The following SLCO1B1 variants were observed in gnomAD, a reference collection of about 807,000 sequenced individuals.
SLCO1B1 encodes the protein OATP-2.
Under a neutral mutation model 70.1 loss-of-function variants are expected in SLCO1B1, and 81 were observed. That is an observed-to-expected ratio of 1.16 (90% CI 0.97 to 1.39). The LOEUF (loss-of-function observed/expected upper bound fraction) is 1.39, where lower values mean the gene tolerates loss of function less well. Ranked by LOEUF, SLCO1B1 falls within the 40% of genes most tolerant of loss-of-function variation. SLCO1B1 has a pLI of 0.00. For missense variants in SLCO1B1, 895 were observed against 799.6 expected (o/e 1.12, Z -1.44); for synonymous variants, 283 against 271.5 (o/e 1.04, Z -0.42).
At chr12:21,210,049 A>G (rs1941262341) in intron 11 of SLCO1B1, among the ~76,000 whole-genome samples, 1 of 147,370 alleles carries the variant, frequency 6.8e-6, no homozygotes. Context: ...GCTGTGCAGA[A>G]GCTCTTTAGT....
chr12:21,158,780 T>C (rs1940574685), intron 2 of SLCO1B1, among the ~76,000 whole-genome samples: 2 of 152,096 alleles, frequency 1.3e-5, no homozygotes, highest in Non-Finnish European at 2.9e-5. Context: ...TTTCTGATGC[T>C]CATACAAATA....
chr12:21,207,106 GTTTATT>G (rs1285965115), intron 11 of SLCO1B1, among the ~76,000 whole-genome samples: 1 of 151,690 alleles, frequency 6.6e-6, no homozygotes, highest in East Asian at 1.9e-4. Context: ...TTCCTTTGCT[GTTTATT>G]TTTATTTTGC....
At chr12:21,166,149 G>A (rs1255536908) in intron 2 of SLCO1B1, among the ~76,000 whole-genome samples, 4 of 151,860 alleles carry the variant, frequency 2.6e-5, no homozygotes, top group Admixed American at 2.0e-4. Context: ...AAAAGTGGCC[G>A]AGAACGTCCC....
chr12:21,205,662 G>C (rs1014699326), intron 10 of SLCO1B1, among the ~76,000 whole-genome samples: 27 of 149,958 alleles, frequency 1.8e-4, no homozygotes, highest in Non-Finnish European at 3.7e-4. Context: ...TATTGGCAAA[G>C]ATGGAGAGCG....
intron 2 of SLCO1B1, among the ~76,000 whole-genome samples, chr12:21,152,554 C>CTTTTTTTTTTTTTTTTTTTTTTTT (rs1940488342): frequency 1.2e-4 from 1 of 8,470 alleles, no homozygotes; most frequent in African/African-American, 2.2e-4. Context: ...TTTTTTTTGC[C>CTTTTTTTTTTTTTTTTTTTTTTTT]TCTGGACTGT....
intron 10 of SLCO1B1, among the ~76,000 whole-genome samples, chr12:21,203,118 A>G (rs569965981): frequency 6.6e-6 from 1 of 152,254 alleles, no homozygotes; most frequent in South Asian, 2.1e-4. Context: ...GGCATTAGCC[A>G]AAAGTGACTA....
chr12:21,210,392 G>A (rs2121164705), intron 11 of SLCO1B1, among the ~76,000 whole-genome samples: 1 of 119,388 alleles, frequency 8.4e-6, no homozygotes, highest in East Asian at 3.0e-4. Context: ...TTATTTCTGA[G>A]GGCTCTGTTC....
intron 11 of SLCO1B1, 84 bp downstream of exon 11, chr12:21,206,117 A>G (rs1809228254): frequency 2.8e-5 from 31 of 1,111,712 alleles, no homozygotes; most frequent in Non-Finnish European, 3.7e-5. Context: ...TTCTGTAACT[A>G]AGGACTCCAT....
chr12:21,196,901 A>G, intron 7 of SLCO1B1, 45 bp from the exon 8 acceptor site: 1 of 1,578,942 alleles, frequency 6.3e-7, no homozygotes, highest in Non-Finnish European at 8.7e-7. Flanking sequence ...AACCTATTGT[A>G]TTTCAAAATG....
Position 21,200,541 on chromosome 12 carries a change from A to C in SLCO1B1, c.1004A>C (p.Asn335Thr), listed in dbSNP as rs1411589182. The C allele has an allele frequency of 6.3e-7, 1 of 1,592,538 alleles. No individual in the cohort carries two copies. Among genetic ancestry groups the C allele is most frequent in the African/African-American group, 1.3e-5 (1 of 74,426 alleles). Residue 335 changes from asparagine (N) to threonine (T), a missense_variant, in exon 9 of 15, where the codon AAT (asparagine) becomes ACT (threonine). By Grantham distance (65) the Asn-to-Thr change is moderately conservative (BLOSUM62 0). Transcript: ENST00000256958. ...CAGTCTTTTAAAAGCATCCTTACTAATCCCCTGTATGTTATGTTTGTGCTT... is the reference window on the plus strand; with the variant it reads ...CAGTCTTTTAAAAGCATCCTTACTACTCCCCTGTATGTTATGTTTGTGCTT... ...FFQSFKSILT[N>T]PLYVMFVLLT...
intron 11 of SLCO1B1, among the ~76,000 whole-genome samples, chr12:21,207,805 GT>G (rs1199437290): frequency 1.3e-5 from 2 of 151,694 alleles, no homozygotes; most frequent in South Asian, 4.2e-4. Context: ...GCCAGCGTCT[GT>G]TTTTTTAATG....
chr12:21,205,952 A>C lies in SLCO1B1; in HGVS notation c.1416A>C (p.Pro472=). 2 of 1,612,124 alleles carry C rather than the reference A, an allele frequency of 1.2e-6. No homozygotes were observed. The highest frequency in any genetic ancestry group is 1.7e-6 in the Non-Finnish European group (2 of 1,178,560). ...ATTGTGATGAAAGTCAATGGGAACC[A>C]GTCTGTGGAAACAATGGAATAACTT... is the stretch of plus-strand genomic sequence containing the variant. ...DCNCDESQWE[P]VCGNNGITYI... is the part of the protein sequence containing the mutation. The change falls in exon 11 of 15, where the codon CCA becomes CCC. Residue 472 remains proline, a synonymous_variant. Coordinates refer to ENST00000256958, the MANE Select transcript of SLCO1B1 (RefSeq NM_006446.5).
In SLCO1B1 at chr12:21,214,397, C is replaced by T. The variant is rs867984252; in HGVS notation, c.1498-2722C>T. 8.5e-3 allele frequency among the ~76,000 whole-genome samples: 1,271 copies of T among 148,920 alleles called. 48 individuals carry two copies. The highest frequency in any genetic ancestry group is 0.031 in the African/African-American group (1,220 of 39,390). ...TCAGGGGTCAGGGGTCAGGGACCCA[C>T]TTGAGGAGGCAGTGTGCCCGTTCTC... is the stretch of plus-strand genomic sequence containing the variant. On this transcript the variant is annotated intron_variant, in intron 11 of 14. Coordinates refer to ENST00000256958, the MANE Select transcript of SLCO1B1 (RefSeq NM_006446.5).
At chr12:21,131,810 T>G (rs1164543194) in intron 1 of SLCO1B1, among the ~76,000 whole-genome samples, 1 of 152,098 alleles carries the variant, frequency 6.6e-6, no homozygotes, top group African/African-American at 2.4e-5. Context: ...AAGCAAAAAG[T>G]CTTCTCAGTA....
chr12:21,154,375 G>GAGA, intron 2 of SLCO1B1, among the ~76,000 whole-genome samples: 1 of 152,134 alleles, frequency 6.6e-6, no homozygotes, highest in East Asian at 1.9e-4. Context: ...AGGTTACAGT[G>GAGA]AGAAGATGGT....
chr12:21,173,865 C>G (rs1244011240), intron 3 of SLCO1B1, among the ~76,000 whole-genome samples: 1 of 145,828 alleles, frequency 6.9e-6, no homozygotes, highest in Non-Finnish European at 1.5e-5. Flanking sequence ...CTCTGCCTTT[C>G]TCCTGCTTCA....
chr12:21,160,348 AC>A (rs1214506154), intron 2 of SLCO1B1, among the ~76,000 whole-genome samples: 1 of 152,108 alleles, frequency 6.6e-6, no homozygotes, highest in Non-Finnish European at 1.5e-5. Flanking sequence ...TTGATCTTCA[AC>A]AAAGCTCACA....
intron 2 of SLCO1B1, among the ~76,000 whole-genome samples, chr12:21,154,793 T>A (rs528932772): frequency 2.4e-3 from 369 of 152,270 alleles, no homozygotes; most frequent in Middle Eastern, 6.8e-3. Context: ...TTCCAGTACG[T>A]GTTTGGTTGC....
intron 10 of SLCO1B1, among the ~76,000 whole-genome samples, 197 bp downstream of exon 10, chr12:21,202,883 A>C (rs1170226406): frequency 6.6e-6 from 1 of 152,156 alleles, no homozygotes; most frequent in Non-Finnish European, 1.5e-5. Flanking sequence ...AAAGAGAAGC[A>C]ACATAGGTTG....
Sources: gnomAD v4.1 joint callset for allele counts (sites outside exome capture counted in the v4.1 genomes callset) on GRCh38, gnomAD v4.1.1 for gene constraint, MANE v1.5 for transcripts, NCBI Gene and HGNC (gene_info 2026-07-23, HGNC 2026-07-21) for gene names.